The following RBPJ variants were observed in gnomAD, a reference collection of about 807,000 sequenced individuals.
RBPJ encodes the protein recombination signal binding protein for immunoglobulin kappa J region, also known as recombining binding protein suppressor of hairless.
RBPJ carries 9 observed loss-of-function variants against 67.8 expected under a neutral mutation model. The ratio of observed to expected loss-of-function variants is 0.13; its 90% CI spans 0.08 to 0.23. The LOEUF (loss-of-function observed/expected upper bound fraction) is 0.23. RBPJ is among the 10% of genes least tolerant of loss of function. The pLI is 1.00. For missense variants in RBPJ, 305 were observed against 595.6 expected (o/e 0.51, Z 5.08); for synonymous variants, 198 against 203.3 (o/e 0.97, Z 0.22).
chr4:26,201,197 A>G (rs1385322223), intron 1 of RBPJ, among the ~76,000 whole-genome samples: 1 of 152,144 alleles, frequency 6.6e-6, no homozygotes, highest in African/African-American at 2.4e-5. Flanking sequence ...ATGCTTTTCT[A>G]ATTTTGTGAC....
chr4:26,274,765 G>A lies in RBPJ; in HGVS notation c.-166-87681G>A, dbSNP rs144822871. Reference sequence around the variant, plus strand: ...AGCCTGCTCAACATGGCAAAACCTCGTCTATCGAAAACACAAAAATTAGCC... The same window carrying A: ...AGCCTGCTCAACATGGCAAAACCTCATCTATCGAAAACACAAAAATTAGCC... On this transcript the variant is annotated intron_variant, in intron 1 of 4. Transcript: ENST00000512351. 7.2e-4 allele frequency among the ~76,000 whole-genome samples: 110 copies of A among 152,186 alleles called. 1 individual carries two copies. The highest frequency in any genetic ancestry group is 6.8e-3 in the Middle Eastern group (2 of 294).
intron 1 of RBPJ, among the ~76,000 whole-genome samples, chr4:26,224,632 A>G (rs928386476): frequency 6.6e-6 from 1 of 152,154 alleles, no homozygotes; most frequent in Admixed American, 6.6e-5. Flanking sequence ...TGCTCGGATT[A>G]TGGGCATGAG....
At chr4:26,130,957 T>C in the RBPJ span, among the ~76,000 whole-genome samples, 1 of 152,240 alleles carries the variant, frequency 6.6e-6, no homozygotes. Flanking sequence ...CGGCGTGGAA[T>C]GTGACTGTGG....
intron 1 of RBPJ, among the ~76,000 whole-genome samples, chr4:26,307,336 C>A (rs1722272087): frequency 6.6e-6 from 1 of 152,216 alleles, no homozygotes; most frequent in Admixed American, 6.5e-5. Flanking sequence ...TTTGAAAACC[C>A]TCTATTGCAT....
At chr4:26,367,360 CT>C (rs1245064329) in intron 1 of RBPJ, among the ~76,000 whole-genome samples, 1 of 151,972 alleles carries the variant, frequency 6.6e-6, no homozygotes, top group Non-Finnish European at 1.5e-5. Context: ...ATCTCAACTA[CT>C]TGGGAGGCTG....
At chr4:26,336,734 T>G (rs1724874729) in intron 1 of RBPJ, among the ~76,000 whole-genome samples, 2 of 152,084 alleles carry the variant, frequency 1.3e-5, no homozygotes, top group Non-Finnish European at 2.9e-5. Context: ...ATGGGTAGGT[T>G]TTTCTCTTTA....
intron 1 of RBPJ, among the ~76,000 whole-genome samples, chr4:26,234,958 C>G (rs1719409041): frequency 6.6e-6 from 1 of 152,132 alleles, no homozygotes; most frequent in African/African-American, 2.4e-5. Flanking sequence ...TCCCAAAATG[C>G]TGGGATTACA....
intron 1 of RBPJ, among the ~76,000 whole-genome samples, chr4:26,306,530 A>G (rs1722245601): frequency 6.6e-6 from 1 of 151,568 alleles, no homozygotes; most frequent in Non-Finnish European, 1.5e-5. Flanking sequence ...GCTCACTGCA[A>G]CCTCCACCTC....
At chr4:26,129,364 A>G in the RBPJ span, among the ~76,000 whole-genome samples, 2 of 152,230 alleles carry the variant, frequency 1.3e-5, no homozygotes, top group African/African-American at 4.8e-5. Context: ...AAGTACTTCA[A>G]AGTGACTACA....
intron 1 of RBPJ, among the ~76,000 whole-genome samples, chr4:26,329,698 T>C (rs994276012): frequency 6.6e-6 from 1 of 151,996 alleles, no homozygotes; most frequent in Non-Finnish European, 1.5e-5. Flanking sequence ...ATCGAGACCA[T>C]CCTGGCTAAC....
At chr4:26,244,354 T>C (rs1719822047) in intron 1 of RBPJ, among the ~76,000 whole-genome samples, 4 of 101,796 alleles carry the variant, frequency 3.9e-5, no homozygotes, top group Admixed American at 1.1e-4. Context: ...TGTGTGTATA[T>C]ATATGTATGC....
chr4:26,198,687 A>G (rs985894446), intron 1 of RBPJ, among the ~76,000 whole-genome samples: 1 of 152,218 alleles, frequency 6.6e-6, no homozygotes, highest in Non-Finnish European at 1.5e-5. Context: ...CCATTTCCCA[A>G]CAGTGAGAGA....
chr4:26,377,082 C>A (rs1353189047), intron 1 of RBPJ, among the ~76,000 whole-genome samples: 1 of 152,008 alleles, frequency 6.6e-6, no homozygotes, highest in Non-Finnish European at 1.5e-5. Flanking sequence ...TTGAAGGGAC[C>A]ATTTCGGTTT....
the RBPJ span, among the ~76,000 whole-genome samples, chr4:26,109,450 CTCTCTCTCTCTATATATATATA>C: frequency 2.8e-4 from 7 of 24,960 alleles, no homozygotes; most frequent in East Asian, 5.1e-4. Flanking sequence ...CTCTCTCTCT[CTCTCTCTCTCTATATATATATA>C]TATATATATA....
chr4:26,251,375 C>T (rs1436225915), intron 1 of RBPJ, among the ~76,000 whole-genome samples: 1 of 152,098 alleles, frequency 6.6e-6, no homozygotes, highest in Non-Finnish European at 1.5e-5. Flanking sequence ...GTGGCTCACA[C>T]CTGTAATCCC....
chr4:26,351,631 T>G (rs1726815953), intron 1 of RBPJ, among the ~76,000 whole-genome samples: 1 of 152,242 alleles, frequency 6.6e-6, no homozygotes, highest in Non-Finnish European at 1.5e-5. Flanking sequence ...TCCGCCTGCC[T>G]TGGCCTCCCA....
intron 1 of RBPJ, among the ~76,000 whole-genome samples, chr4:26,202,451 C>A (rs1028047347): frequency 6.6e-6 from 1 of 151,966 alleles, no homozygotes; most frequent in Non-Finnish European, 1.5e-5. Context: ...TCCTTCCCCC[C>A]AGCCCAGCTT....
the RBPJ span, among the ~76,000 whole-genome samples, chr4:26,106,507 C>G: frequency 6.6e-6 from 1 of 152,176 alleles, no homozygotes. Context: ...ATCACCTGGT[C>G]ATGTTGTTGT....
At chr4:26,108,518 C>A in the RBPJ span, among the ~76,000 whole-genome samples, 339 of 152,334 alleles carry the variant, frequency 2.2e-3, 2 homozygotes, top group African/African-American at 8.0e-3. Context: ...TGAAAATAAA[C>A]CCTCACTCCA....
Sources: gnomAD v4.1 joint callset for allele counts (sites outside exome capture counted in the v4.1 genomes callset) on GRCh38, gnomAD v4.1.1 for gene constraint, MANE v1.5 for transcripts, NCBI Gene and HGNC (gene_info 2026-07-23, HGNC 2026-07-21) for gene names.